The following TMEM63B variants were observed in gnomAD, a reference collection of about 807,000 sequenced individuals.
TMEM63B encodes mechanosensitive cation channel TMEM63B.
A neutral mutation model predicts 102.6 loss-of-function variants in TMEM63B; 23 were observed. The observed-to-expected ratio is 0.22, with a 90% CI of 0.16 to 0.32. TMEM63B has a LOEUF of 0.32. Among genes scored for constraint, TMEM63B ranks in the 10% least tolerant of loss-of-function variants. The pLI, the probability that TMEM63B is intolerant of heterozygous loss-of-function variation, is 1.00. For synonymous variants in TMEM63B, 444 were observed against 437.0 expected, an observed-to-expected ratio of 1.02 and a Z score of -0.20; for missense variants, 628 against 1,095.9, an observed-to-expected ratio of 0.57 and a Z score of 6.03.
rs1178720109 is a variant in TMEM63B at position 44,131,188 on chromosome 6, GATT to G, written c.-24-3371_-24-3369del. Among the ~76,000 whole-genome samples the G allele has an allele frequency of 3.5e-4, 54 of 152,142 alleles. 1 individual carries two copies. Among genetic ancestry groups the G allele is most frequent in the African/African-American group, 1.3e-3 (52 of 41,518 alleles). On this transcript the variant is annotated intron_variant, in intron 1 of 23. Transcript: ENST00000323267. ...CCAGCTCGGCCTCCCAAAATGCTGG[GATT>G]ACAGGTGTGAGCCACCGTGCCTGGC... is the stretch of plus-strand genomic sequence containing the variant.
chr6:44,152,967 C>T lies in TMEM63B; in HGVS notation c.1942+269C>T, dbSNP rs1040375137. Among the ~76,000 whole-genome samples, 18 of 152,238 alleles carry T rather than the reference C, an allele frequency of 1.2e-4. No individual in the cohort carries two copies. The highest frequency in any genetic ancestry group is 2.2e-4 in the Non-Finnish European group (15 of 68,030). The stretch of plus-strand genomic sequence containing the variant: ...CCATACTTACCCACACCTGTGCCTT[C>T]CCTCAGCGGGATGTGCTTGGACACA... On this transcript the variant is annotated intron_variant, in intron 20 of 23. Coordinates refer to ENST00000323267, the MANE Select transcript of TMEM63B (RefSeq NM_018426.3). The surrounding 1 kb of genome is among the most constrained non-coding windows in gnomAD (Gnocchi z 6.4).
In TMEM63B at chr6:44,153,963, G is replaced by A. The variant is rs1302678427; in HGVS notation, c.2111-110G>A. The A allele has an allele frequency of 1.3e-5, 20 of 1,558,574 alleles. No homozygotes were observed. The East Asian group carries it at 3.6e-4, about 28-fold the overall frequency. On this transcript the variant is annotated intron_variant, in intron 21 of 23. Transcript: ENST00000323267. ...GGCAAGGGGCCTGGGAGAGGCTGGG[G>A]CCAGTCTGTAGCACCTGGGAGAGTG...
At chr6:44,136,761 AAT>A (rs1400150361) in intron 5 of TMEM63B, among the ~76,000 whole-genome samples, 19 of 152,328 alleles carry the variant, frequency 1.2e-4, no homozygotes, top group African/African-American at 4.6e-4. Flanking sequence ...TGGTTTTAGA[AAT>A]AATAATAAGC....
At position 44,137,151 on chromosome 6, in the gene TMEM63B, G is replaced by A. The variant is rs191540656; in HGVS notation, c.369+712G>A. 5.5e-4 allele frequency among the ~76,000 whole-genome samples: 84 copies of A among 152,354 alleles called. No individual in the cohort carries two copies. In the East Asian group the frequency reaches 0.015, roughly 28 times the overall value. ...GGTGGGTGGCCCCTGGCCATGTGGG[G>A]CCGGTTGACCTGCTTGTGGATTGGA... On this transcript the variant is annotated intron_variant, in intron 5 of 23. Transcript: ENST00000323267.
At chr6:44,144,862 T>G (rs932982291) in intron 10 of TMEM63B, among the ~76,000 whole-genome samples, 4 of 152,002 alleles carry the variant, frequency 2.6e-5, no homozygotes, top group African/African-American at 9.7e-5. Context: ...CCTCTCAAAG[T>G]TTTGGGATTA....
intron 5 of TMEM63B, 37 bp from the exon 6 acceptor site, chr6:44,138,443 G>T (rs1203004929): frequency 6.2e-7 from 1 of 1,613,794 alleles, no homozygotes; most frequent in Non-Finnish European, 8.5e-7. Flanking sequence ...GGGTTGGTGG[G>T]CTGGGGACTC....
Position 44,134,659 on chromosome 6 carries a change from C to A in TMEM63B, c.75C>A (p.Ser25Arg), listed in dbSNP as rs757914591. Residue 25 changes from serine to arginine, a missense_variant, in exon 2 of 24, where the codon AGC (serine) becomes AGA (arginine). By Grantham distance (110) the Ser-to-Arg change is moderately radical. Coordinates refer to ENST00000323267, the MANE Select transcript of TMEM63B (RefSeq NM_018426.3). Reference sequence around the variant, plus strand: ...GCAACCCCAAGGACTACTGCTACAGCGCCCGCATCCGCAGCACTGTCCTGC... The same window carrying A: ...GCAACCCCAAGGACTACTGCTACAGAGCCCGCATCCGCAGCACTGTCCTGC... Reference protein sequence around the residue: ...NNSNPKDYCYSARIRSTVLQG... With the variant: ...NNSNPKDYCYRARIRSTVLQG... 6.2e-7 allele frequency: 1 copy of A among 1,614,218 alleles called. No homozygotes were observed. Among genetic ancestry groups the A allele is most frequent in the Admixed American group, 1.7e-5 (1 of 60,034 alleles).
rs148306805 is a variant in TMEM63B at position 44,135,350 on chromosome 6, C to G, written c.262C>G (p.Arg88Gly). The G allele has an allele frequency of 3.1e-6, 5 of 1,612,890 alleles. No individual in the cohort carries two copies. The Admixed American group carries it at 6.7e-5, about 22-fold the overall frequency. The change falls in exon 4 of 24, where the codon CGA (arginine) becomes GGA (glycine). Residue 88 changes from arginine (R) to glycine (G), a missense_variant. Arg to Gly is a moderately radical substitution (Grantham distance 125, BLOSUM62 -2). This residue lies in a region of TMEM63B where 336 missense variants were observed against 580.3 expected (regional missense o/e 0.58). Transcript: ENST00000323267. The stretch of plus-strand genomic sequence containing the variant: ...CAGGCTTCGGCGGCAGGAGAGGGAC[C>G]GAGTGGAACAGGAATAGTATGTGGG... The part of the protein sequence containing the change: ...ADRLRRQERD[R>G]VEQEYVASAM...
chr6:44,136,163 C>T (rs1447356898), intron 4 of TMEM63B, among the ~76,000 whole-genome samples, 186 bp from the exon 5 acceptor site: 1 of 152,178 alleles, frequency 6.6e-6, no homozygotes, highest in African/African-American at 2.4e-5. Context: ...CCCTGAGTCC[C>T]CCTGAAAGGA....
chr6:44,148,445 G>A lies in TMEM63B; in HGVS notation c.1121+60G>A, dbSNP rs966269534. 3 of 1,612,992 alleles carry A rather than the reference G, an allele frequency of 1.9e-6. No individual in the cohort carries two copies. Among genetic ancestry groups the A allele is most frequent in the Non-Finnish European group, 2.5e-6 (3 of 1,179,182 alleles). On this transcript the variant is annotated intron_variant, in intron 13 of 23. Coordinates refer to ENST00000323267, the MANE Select transcript of TMEM63B (RefSeq NM_018426.3). The surrounding 1 kb of genome is among the most constrained non-coding windows in gnomAD (Gnocchi z 5.1). ...CCCTCCAGGGCTCCCTGACCCCTGT[G>A]CTCATGGCCTTCTGCCAGCAGTGTG...
chr6:44,140,686 C>G (rs189728953), intron 9 of TMEM63B, among the ~76,000 whole-genome samples: 2 of 152,262 alleles, frequency 1.3e-5, no homozygotes, highest in African/African-American at 4.8e-5. Context: ...CAAGCCAGAA[C>G]CGGACACCTA....
chr6:44,148,690 G>A lies in TMEM63B; in HGVS notation c.1259+40G>A. The A allele has an allele frequency of 1.2e-6, 2 of 1,612,084 alleles. No homozygotes were observed. The highest frequency in any genetic ancestry group is 1.7e-6 in the Non-Finnish European group (2 of 1,178,458). Reference sequence around the variant, plus strand: ...GTCAGGGCAGGCTTTCCAGGGCCTGGGATGGGCTCAGTAGGTAGGCGGAGG... The same window carrying A: ...GTCAGGGCAGGCTTTCCAGGGCCTGAGATGGGCTCAGTAGGTAGGCGGAGG... On this transcript the variant is annotated intron_variant, in intron 14 of 23. Coordinates refer to ENST00000323267, the MANE Select transcript of TMEM63B (RefSeq NM_018426.3). The surrounding 1 kb of genome is among the most constrained non-coding windows in gnomAD (Gnocchi z 5.1).
chr6:44,139,952 A>G (rs1408885010), intron 8 of TMEM63B, among the ~76,000 whole-genome samples, 193 bp downstream of exon 8: 1 of 152,190 alleles, frequency 6.6e-6, no homozygotes, highest in Non-Finnish European at 1.5e-5. Context: ...AAGAGGATAC[A>G]GAAGAGGAGG....
chr6:44,130,549 C>T (rs988512744), intron 1 of TMEM63B, among the ~76,000 whole-genome samples: 2 of 150,296 alleles, frequency 1.3e-5, no homozygotes, highest in Non-Finnish European at 3.0e-5. Flanking sequence ...AGGTGATCTT[C>T]GCACCTCAGC....
rs77370584 is a variant in TMEM63B, at chr6:44,138,736, G to GCC, written c.407+225_407+226dup. 2,817 of 288,394 alleles carry GCC rather than the reference G, an allele frequency of 9.8e-3. 240 individuals carry two copies. Among genetic ancestry groups the GCC allele is most frequent in the African/African-American group, 0.057 (2,139 of 37,634 alleles). The allele number at this position is 288,394 out of a possible 1,614,324, so 17.9% of individuals were successfully genotyped here. On this transcript the variant is annotated intron_variant, in intron 6 of 23. Coordinates refer to ENST00000323267, the MANE Select transcript of TMEM63B (RefSeq NM_018426.3). ...TAATCTCCTCTGTGACCCCCTGCCGGCCCCCCCGCTTCTCTCCCTGCCCTG... is the reference window on the plus strand; with the variant it reads ...TAATCTCCTCTGTGACCCCCTGCCGGCCCCCCCCCGCTTCTCTCCCTGCCCTG...
intron 1 of TMEM63B, among the ~76,000 whole-genome samples, chr6:44,128,255 G>A (rs1475166603): frequency 6.6e-6 from 1 of 152,188 alleles, no homozygotes; most frequent in Non-Finnish European, 1.5e-5. Flanking sequence ...CCGGCTCTGG[G>A]GACTGACTGG....
rs757914591 is a variant in TMEM63B, at chr6:44,134,659, C to T, written c.75C>T (p.Ser25=). The T allele has an allele frequency of 1.4e-5, 23 of 1,614,100 alleles. No individual in the cohort carries two copies. Among genetic ancestry groups the T allele is most frequent in the Middle Eastern group, 1.6e-4 (1 of 6,082 alleles). ...NNSNPKDYCY[S]ARIRSTVLQG... is the part of the protein sequence containing the mutation. ...GCAACCCCAAGGACTACTGCTACAGCGCCCGCATCCGCAGCACTGTCCTGC... is the reference window on the plus strand; with the variant it reads ...GCAACCCCAAGGACTACTGCTACAGTGCCCGCATCCGCAGCACTGTCCTGC... Residue 25 remains serine (S), a synonymous_variant, in exon 2 of 24, where the codon AGC becomes AGT. Transcript: ENST00000323267.
chr6:44,150,663 G>A lies in TMEM63B; in HGVS notation c.1673+34G>A, dbSNP rs775087930. On this transcript the variant is annotated intron_variant, in intron 18 of 23. Transcript: ENST00000323267. The surrounding 1 kb of genome is among the most constrained non-coding windows in gnomAD (Gnocchi z 4.7). ...CTGGGGCCCCTAGGGAAAGAGACCA[G>A]ACAGCAGGGGTGGGTATGCTTGAGA... is the stretch of plus-strand genomic sequence containing the variant. The A allele has an allele frequency of 6.2e-7, 1 of 1,604,964 alleles. No homozygotes were observed. The highest frequency in any genetic ancestry group is 8.5e-7 in the Non-Finnish European group (1 of 1,172,176).
intron 18 of TMEM63B, among the ~76,000 whole-genome samples, chr6:44,151,094 G>T (rs1766504216): frequency 6.6e-6 from 1 of 152,134 alleles, no homozygotes; most frequent in South Asian, 2.1e-4. Flanking sequence ...TTGGGTATGT[G>T]TAGGAGGCTC....
Sources: allele counts gnomAD v4.1 joint callset (sites outside exome capture counted in the v4.1 genomes callset), GRCh38; gene constraint gnomAD v4.1.1; regional missense constraint gnomAD v4.1.1; non-coding constraint Gnocchi (gnomAD v3.1); transcripts MANE v1.5; gene names NCBI Gene and HGNC (gene_info 2026-07-23, HGNC 2026-07-21).